MYO9A: variants seen among roughly 807,000 people sequenced by gnomAD.
MYO9A encodes unconventional myosin-IXa.
In MYO9A, 103 loss-of-function variants were observed where a neutral mutation model predicts 293.3. The ratio of observed to expected loss-of-function variants is 0.35; its 90% CI spans 0.30 to 0.41. MYO9A has a LOEUF of 0.41. Ranked by LOEUF, MYO9A falls within the 10% of genes least tolerant of loss-of-function variation. The pLI, the probability that MYO9A is intolerant of heterozygous loss-of-function variation, is 1.00. For synonymous variants in MYO9A, 1,001 were observed against 1,035.7 expected (o/e 0.97, Z 0.64); for missense variants, 2,685 against 3,033.0 (o/e 0.89, Z 2.69).
Position 72,010,320 on chromosome 15 carries a change from G to C in MYO9A, c.1253+30C>G, listed in dbSNP as rs780662059. 65 of 1,562,744 alleles carry C rather than the reference G, an allele frequency of 4.2e-5. 1 individual carries two copies. The highest frequency in any genetic ancestry group is 5.7e-5 in the Non-Finnish European group (65 of 1,133,906). On this transcript the variant is annotated intron_variant, in intron 7 of 41. Coordinates refer to ENST00000356056, the MANE Select transcript of MYO9A (RefSeq NM_006901.4). ...AAGACATATCATGTGTTCTCTATTA[G>C]AGATATAAAAATACAACAAGTAAAC...
intron 1 of MYO9A, among the ~76,000 whole-genome samples, chr15:72,109,758 A>T (rs2080709904): frequency 6.6e-6 from 1 of 151,794 alleles, no homozygotes; most frequent in Admixed American, 6.6e-5. Context: ...GTGTGGTGGC[A>T]CACACCTGTA....
intron 32 of MYO9A, among the ~76,000 whole-genome samples, chr15:71,875,186 G>T (rs1257761853): frequency 6.6e-6 from 1 of 151,774 alleles, no homozygotes; most frequent in Admixed American, 6.6e-5. Context: ...TATTATAAAT[G>T]ATGTTGTGTA....
chr15:72,112,499 T>C (rs779954092), intron 1 of MYO9A, among the ~76,000 whole-genome samples: 2 of 152,246 alleles, frequency 1.3e-5, no homozygotes, highest in Non-Finnish European at 2.9e-5. Flanking sequence ...CATATTATTT[T>C]CTGCCACTCT....
chr15:71,997,856 T>C (rs1453036724), intron 9 of MYO9A, among the ~76,000 whole-genome samples: 1 of 152,064 alleles, frequency 6.6e-6, no homozygotes, highest in African/African-American at 2.4e-5. Context: ...AAAAGAAACA[T>C]TTATACACTG....
At position 71,830,114 on chromosome 15, in the gene MYO9A, C is replaced by T. The variant is rs772417478; in HGVS notation, c.7035G>A (p.Lys2345=). 4 of 1,613,904 alleles carry T rather than the reference C, an allele frequency of 2.5e-6. No homozygotes were observed. The East Asian group carries it at 8.9e-5, about 36-fold the overall frequency. The change falls in exon 40 of 42, where the codon AAG becomes AAA. Residue 2345 remains lysine, a synonymous_variant. Transcript: ENST00000356056. ...CCTTCCTCCTGGATACTCACTTCTC[C>T]TTCTGTAGGTTCTCAATCTGCTCAG... ...VLTEQIENLQ[K]EKEELTFEML...
chr15:72,021,077 G>T, intron 4 of MYO9A, 60 bp from the exon 5 acceptor site: 1 of 1,038,714 alleles, frequency 9.6e-7, no homozygotes. Context: ...TCATTTAACA[G>T]GGGGAGGGGG....
intron 3 of MYO9A, among the ~76,000 whole-genome samples, chr15:72,030,677 C>T (rs1346149436): frequency 6.6e-6 from 1 of 152,048 alleles, no homozygotes; most frequent in African/African-American, 2.4e-5. Context: ...GCACGTGCCA[C>T]CACACCTGGC....
At chr15:71,925,058 GT>G (rs1268784153) in intron 18 of MYO9A, among the ~76,000 whole-genome samples, 1 of 151,974 alleles carries the variant, frequency 6.6e-6, no homozygotes, top group Non-Finnish European at 1.5e-5. Context: ...CTGTCTGGTT[GT>G]CCTATCCATT....
At chr15:71,868,939 C>T (rs2056423463) in intron 32 of MYO9A, among the ~76,000 whole-genome samples, 1 of 152,160 alleles carries the variant, frequency 6.6e-6, no homozygotes, top group Admixed American at 6.5e-5. Flanking sequence ...GTTCTACTCT[C>T]ATTTAGTTTG....
At chr15:71,970,102 G>A (rs1035023762) in intron 12 of MYO9A, among the ~76,000 whole-genome samples, 1 of 152,208 alleles carries the variant, frequency 6.6e-6, no homozygotes, top group African/African-American at 2.4e-5. Context: ...TTGTTAAAAT[G>A]TAGATTCTGA....
chr15:71,963,521 T>C (rs1206814591), intron 13 of MYO9A, among the ~76,000 whole-genome samples: 4 of 151,962 alleles, frequency 2.6e-5, no homozygotes, highest in Non-Finnish European at 5.9e-5. Context: ...TGATCTTGGC[T>C]CACCGCAACC....
intron 11 of MYO9A, among the ~76,000 whole-genome samples, chr15:71,988,565 A>C (rs1438338859): frequency 1.3e-5 from 2 of 152,084 alleles, no homozygotes; most frequent in Non-Finnish European, 2.9e-5. Context: ...TGCTATTGTT[A>C]ACCAGCCATT....
chr15:72,025,421 C>T lies in MYO9A; in HGVS notation c.998+2310G>A, dbSNP rs967381744. Among the ~76,000 whole-genome samples, 6 of 152,050 alleles carry T rather than the reference C, an allele frequency of 3.9e-5. No individual in the cohort carries two copies. The East Asian group carries it at 5.8e-4, about 15-fold the overall frequency. ...TGTCACCCAGACTGGAGTGCAGTGG[C>T]GAGACCTCGGCTCATTGCAACCTCC... On this transcript the variant is annotated intron_variant, in intron 4 of 41. Coordinates refer to ENST00000356056, the MANE Select transcript of MYO9A (RefSeq NM_006901.4).
intron 34 of MYO9A, chr15:71,858,820 G>A (rs1361754119): frequency 6.6e-6 from 1 of 150,820 alleles, no homozygotes; most frequent in Non-Finnish European, 1.5e-5. Flanking sequence ...AAACCTGCAC[G>A]TTGTGCACAT....
intron 9 of MYO9A, among the ~76,000 whole-genome samples, chr15:71,997,860 T>C (rs1421844162): frequency 6.6e-6 from 1 of 152,120 alleles, no homozygotes; most frequent in Non-Finnish European, 1.5e-5. Flanking sequence ...GAAACATTTA[T>C]ACACTGTTGG....
At chr15:71,861,529 G>T (rs913387849) in intron 33 of MYO9A, among the ~76,000 whole-genome samples, 5 of 146,866 alleles carry the variant, frequency 3.4e-5, no homozygotes, top group African/African-American at 1.2e-4. Flanking sequence ...CTGCTAAAAG[G>T]ATTACAGTAG....
rs2076533851 is a variant in MYO9A at position 71,991,137 on chromosome 15, T to C, written c.1688A>G (p.His563Arg). ...TTTAAAGATATGCTGATTAAAGTAGTGCTGTAAACGTTCATTAGCAAAATT... is the reference window on the plus strand; with the variant it reads ...TTTAAAGATATGCTGATTAAAGTAGCGCTGTAAACGTTCATTAGCAAAATT... ...CINFANERLQ[H>R]YFNQHIFKLE... The change falls in exon 11 of 42, where the codon CAC becomes CGC. Residue 563 changes from histidine to arginine, a missense_variant. His to Arg is a conservative substitution (Grantham distance 29). Around this residue, in one of 10 missense-constraint regions of MYO9A, gnomAD observed 201 missense variants for 245.2 expected, o/e 0.82. Coordinates refer to ENST00000356056, the MANE Select transcript of MYO9A (RefSeq NM_006901.4). The C allele has an allele frequency of 6.2e-7, 1 of 1,607,974 alleles. No homozygotes were observed. The highest frequency in any genetic ancestry group is 1.3e-5 in the African/African-American group (1 of 74,736).
chr15:72,081,738 T>C (rs754873482), intron 1 of MYO9A, among the ~76,000 whole-genome samples: 1 of 152,194 alleles, frequency 6.6e-6, no homozygotes, highest in Non-Finnish European at 1.5e-5. Context: ...AAGGAAGGCA[T>C]CGTTTCAATC....
intron 12 of MYO9A, among the ~76,000 whole-genome samples, chr15:71,968,731 T>C (rs2075938494): frequency 6.6e-6 from 1 of 152,120 alleles, no homozygotes; most frequent in Admixed American, 6.6e-5. Context: ...AAAAAAATCA[T>C]CACTGGTGTA....
Sources: allele counts gnomAD v4.1 joint callset (sites outside exome capture counted in the v4.1 genomes callset), GRCh38; gene constraint gnomAD v4.1.1; regional missense constraint gnomAD v4.1.1; transcripts MANE v1.5; gene names NCBI Gene and HGNC (gene_info 2026-07-23, HGNC 2026-07-21).